RTN4RL1: variants seen among roughly 807,000 people sequenced by gnomAD.
The protein encoded by RTN4RL1 is reticulon 4 receptor like 1, also known as reticulon-4 receptor-like 1.
A neutral mutation model predicts 25.6 loss-of-function variants in RTN4RL1; 7 were observed. The observed-to-expected ratio is 0.27, with a 90% CI of 0.16 to 0.51. The LOEUF is 0.51. Ranked by LOEUF, RTN4RL1 falls within the 20% of genes least tolerant of loss-of-function variation. RTN4RL1 has a pLI of 0.97. For missense variants in RTN4RL1, 500 were observed against 615.6 expected (o/e 0.81, Z 1.99); for synonymous variants, 297 against 288.2 (o/e 1.03, Z -0.31).
intron 1 of RTN4RL1, among the ~76,000 whole-genome samples, chr17:2,022,991 T>G (rs1355922261): frequency 2.0e-5 from 3 of 152,160 alleles, no homozygotes; most frequent in Admixed American, 6.5e-5. Flanking sequence ...AGAGAAAGGC[T>G]CTTGGAGGCT....
At chr17:1,938,389 G>A (rs187524622) in intron 1 of RTN4RL1, among the ~76,000 whole-genome samples, 2 of 151,860 alleles carry the variant, frequency 1.3e-5, no homozygotes, top group Non-Finnish European at 2.9e-5. Flanking sequence ...TGCAACCTCC[G>A]CCTCCGGGGT....
chr17:1,939,352 C>CAATAAATAAATA (rs56045014), intron 1 of RTN4RL1, among the ~76,000 whole-genome samples: 98 of 139,968 alleles, frequency 7.0e-4, no homozygotes, highest in South Asian at 2.3e-3. Flanking sequence ...AACTCCGTCT[C>CAATAAATAAATA]AATAAATAAA....
intron 1 of RTN4RL1, among the ~76,000 whole-genome samples, chr17:2,006,302 C>T (rs777313243): frequency 2.6e-5 from 4 of 152,026 alleles, no homozygotes; most frequent in South Asian, 2.1e-4. Context: ...GGATTACAGG[C>T]GCGCGCCACC....
At position 1,983,880 on chromosome 17, in the gene RTN4RL1, G is replaced by A. The variant is rs553373972; in HGVS notation, c.13+40973C>T. Reference sequence around the variant, plus strand: ...CGTACTCATGACTCGTTTTCATAACGGGGTCCACAAAACCTTTAGGCTCCA... The same window carrying A: ...CGTACTCATGACTCGTTTTCATAACAGGGTCCACAAAACCTTTAGGCTCCA... On this transcript the variant is annotated intron_variant, in intron 1 of 1. Coordinates refer to ENST00000331238, the MANE Select transcript of RTN4RL1 (RefSeq NM_178568.4). Among the ~76,000 whole-genome samples the A allele has an allele frequency of 2.3e-3, 346 of 152,150 alleles. 3 individuals carry two copies. Among genetic ancestry groups the A allele is most frequent in the Admixed American group, 6.1e-3 (93 of 15,280 alleles).
chr17:1,948,823 A>G (rs1915617402), intron 1 of RTN4RL1, among the ~76,000 whole-genome samples: 2 of 151,312 alleles, frequency 1.3e-5, no homozygotes, highest in South Asian at 4.2e-4. Context: ...TTTTGAGACA[A>G]TCTCAGTCGC....
chr17:1,989,275 C>T (rs1310521020), intron 1 of RTN4RL1, among the ~76,000 whole-genome samples: 1 of 151,584 alleles, frequency 6.6e-6, no homozygotes, highest in Non-Finnish European at 1.5e-5. Flanking sequence ...GCTCAGCACA[C>T]AGCAAGCCAG....
intron 1 of RTN4RL1, among the ~76,000 whole-genome samples, chr17:1,960,255 G>T (rs923113816): frequency 1.6e-5 from 2 of 127,590 alleles, no homozygotes; most frequent in African/African-American, 6.1e-5. Flanking sequence ...CACCCTCACT[G>T]GTCTCCCTGT....
chr17:1,990,549 A>AATATTAGC (rs2066904416), intron 1 of RTN4RL1, among the ~76,000 whole-genome samples: 1 of 151,914 alleles, frequency 6.6e-6, no homozygotes, highest in African/African-American at 2.4e-5. Context: ...AAACATAAAA[A>AATATTAGC]ATATTAGCCA....
chr17:1,950,846 CAAAAAAAAAAAAAA>C (rs61660812), intron 1 of RTN4RL1, among the ~76,000 whole-genome samples: 2 of 17,800 alleles, frequency 1.1e-4, no homozygotes, highest in South Asian at 3.4e-3. Flanking sequence ...ACACAGTCTC[CAAAAAAAAAAAAAA>C]AAAAAAAAAA....
chr17:1,988,557 A>G (rs1023900294), intron 1 of RTN4RL1, among the ~76,000 whole-genome samples: 4 of 151,702 alleles, frequency 2.6e-5, no homozygotes, highest in African/African-American at 4.8e-5. Context: ...TAAGTCCTCA[A>G]TGATGGAACA....
chr17:2,018,436 T>C (rs1356203443), intron 1 of RTN4RL1, among the ~76,000 whole-genome samples: 1 of 152,014 alleles, frequency 6.6e-6, no homozygotes, highest in Non-Finnish European at 1.5e-5. Flanking sequence ...AGACAGCAGC[T>C]CAGGCCCCAG....
Position 1,936,456 on chromosome 17 carries a change from G to A in RTN4RL1, c.*40C>T. 1 of 1,497,800 alleles carries A rather than the reference G, an allele frequency of 6.7e-7. No homozygotes were observed. Among genetic ancestry groups the A allele is most frequent in the Non-Finnish European group, 8.8e-7 (1 of 1,133,146 alleles). 92.8% of individuals were successfully genotyped at this position (1,497,800 alleles called of 1,614,324 possible). On this transcript the variant is annotated 3_prime_UTR_variant, in exon 2 of 2. Transcript: ENST00000331238. ...AGAAGAAAATAAATTCTGTTCCTTG[G>A]TGGACATGTGGCAGTGCTGGGTGCT...
At chr17:2,015,059 T>C (rs909914977) in intron 1 of RTN4RL1, among the ~76,000 whole-genome samples, 4 of 152,016 alleles carry the variant, frequency 2.6e-5, no homozygotes, top group African/African-American at 9.7e-5. Context: ...GTGTAAGGCC[T>C]GGTTTCAGCA....
rs1226916849 is a variant in RTN4RL1, at chr17:1,935,743, A to G, written c.*753T>C. On this transcript the variant is annotated 3_prime_UTR_variant, in exon 2 of 2. Coordinates refer to ENST00000331238, the MANE Select transcript of RTN4RL1 (RefSeq NM_178568.4). ...TATATATATATATATATATATATAT[A>G]TATATATATATGTAGAGTGTGAATA... is the stretch of plus-strand genomic sequence containing the variant. 2.2e-4 allele frequency: 56 copies of G among 258,792 alleles called. 10 individuals carry two copies. In the South Asian group the frequency reaches 3.3e-3, roughly 15 times the overall value. 16.0% of individuals were successfully genotyped at this position (258,792 alleles called of 1,614,324 possible).
chr17:1,982,022 C>T (rs759488350), intron 1 of RTN4RL1, among the ~76,000 whole-genome samples: 8 of 152,294 alleles, frequency 5.3e-5, no homozygotes, highest in Admixed American at 1.3e-4. Context: ...TGAAACTGGC[C>T]GGCACGGTGG....
intron 1 of RTN4RL1, among the ~76,000 whole-genome samples, chr17:1,980,140 C>T (rs2066861022): frequency 6.7e-6 from 1 of 148,618 alleles, no homozygotes; most frequent in Non-Finnish European, 1.5e-5. Flanking sequence ...CACGGCTCAC[C>T]AAAGCCTTGA....
intron 1 of RTN4RL1, among the ~76,000 whole-genome samples, chr17:2,002,315 C>G (rs138892198): frequency 6.9e-6 from 1 of 145,406 alleles, no homozygotes; most frequent in African/African-American, 2.5e-5. Flanking sequence ...TTTTTTGAGA[C>G]GGAGTCTTGC....
chr17:1,936,472 G>A lies in RTN4RL1; in HGVS notation c.*24C>T. On this transcript the variant is annotated 3_prime_UTR_variant, in exon 2 of 2. Coordinates refer to ENST00000331238, the MANE Select transcript of RTN4RL1 (RefSeq NM_178568.4). ...TGTTCCTTGGTGGACATGTGGCAGT[G>A]CTGGGTGCTGACGCCCTGGGTCCTC... 2.6e-6 allele frequency: 4 copies of A among 1,524,170 alleles called. No homozygotes were observed. Among genetic ancestry groups the A allele is most frequent in the Non-Finnish European group, 3.5e-6 (4 of 1,141,972 alleles). The allele number at this position is 1,524,170 out of a possible 1,614,324, so 94.4% of individuals were successfully genotyped here.
chr17:1,960,861 C>A (rs182541946), intron 1 of RTN4RL1, among the ~76,000 whole-genome samples: 1 of 152,120 alleles, frequency 6.6e-6, no homozygotes, highest in Non-Finnish European at 1.5e-5. Flanking sequence ...CTGCCCCAGG[C>A]CTTTGGGGGA....
Sources: gnomAD v4.1 joint callset for allele counts (sites outside exome capture counted in the v4.1 genomes callset) on GRCh38, gnomAD v4.1.1 for gene constraint, MANE v1.5 for transcripts, NCBI Gene and HGNC (gene_info 2026-07-23, HGNC 2026-07-21) for gene names.